Variants in CDH18 observed in about 807,000 individuals in gnomAD.
CDH18 encodes cadherin-18.
In CDH18, 31 loss-of-function variants were observed where a neutral mutation model predicts 67.9. That is an observed-to-expected ratio of 0.46 (90% CI 0.34 to 0.62). The LOEUF is 0.62. Among genes scored for constraint, CDH18 ranks in the 20% least tolerant of loss-of-function variants. The pLI, the probability that CDH18 is intolerant of heterozygous loss-of-function variation, is 0.01. For synonymous variants in CDH18, 362 were observed against 347.2 expected, an observed-to-expected ratio of 1.04 and a Z score of -0.48; for missense variants, 890 against 975.5, an observed-to-expected ratio of 0.91 and a Z score of 1.17.
In CDH18 at chr5:20,001,114, A is replaced by T. The variant is rs1185474790; in HGVS notation, c.-517-9100T>A. 2.0e-5 allele frequency among the ~76,000 whole-genome samples: 3 copies of T among 152,206 alleles called. No homozygotes were observed. The East Asian group carries it at 5.8e-4, about 29-fold the overall frequency. ...ATATTCTACAGCATGCAAAATTGTC[A>T]AATGAAGTCTCATAATTTCTTTTTA... On this transcript the variant is annotated intron_variant, in intron 2 of 14. Coordinates refer to the CDH18 transcript ENST00000507958.
chr5:20,242,540 A>G (rs1330500775), intron 2 of CDH18, among the ~76,000 whole-genome samples: 4 of 137,618 alleles, frequency 2.9e-5, no homozygotes. Flanking sequence ...GTCCCAAATG[A>G]CAGGATTTCT....
At chr5:19,602,824 G>T (rs1250860478) in intron 6 of CDH18, among the ~76,000 whole-genome samples, 3 of 152,036 alleles carry the variant, frequency 2.0e-5, no homozygotes, top group Admixed American at 6.6e-5. Context: ...AATTAGCTGG[G>T]CATGGTGGAG....
chr5:20,199,140 G>A (rs1207219839), intron 2 of CDH18, among the ~76,000 whole-genome samples: 12 of 152,174 alleles, frequency 7.9e-5, no homozygotes, highest in Admixed American at 7.2e-4. Flanking sequence ...CTATGTGAAG[G>A]GGGCTATTGT....
chr5:19,491,954 T>C (rs953960254), intron 11 of CDH18, among the ~76,000 whole-genome samples: 3 of 152,098 alleles, frequency 2.0e-5, no homozygotes, highest in African/African-American at 4.8e-5. Context: ...TGTGTTATGT[T>C]GACTCATTTA....
intron 3 of CDH18, among the ~76,000 whole-genome samples, chr5:19,747,739 G>T (rs1441902751): frequency 9.0e-6 from 1 of 110,676 alleles, no homozygotes; most frequent in African/African-American, 3.2e-5. Flanking sequence ...CATAGTCACA[G>T]TCATGTGTTT....
intron 1 of CDH18, among the ~76,000 whole-genome samples, chr5:20,341,609 C>G (rs1052019768): frequency 6.6e-6 from 1 of 151,784 alleles, no homozygotes; most frequent in African/African-American, 2.4e-5. Context: ...TCTATTAGTT[C>G]TGTCCCTCTA....
Position 19,626,010 on chromosome 5 carries a change from T to C in CDH18, c.644-13409A>G, listed in dbSNP as rs188973931. On this transcript the variant is annotated intron_variant, in intron 5 of 12. Coordinates refer to ENST00000382275, the MANE Select transcript of CDH18 (RefSeq NM_004934.5). ...CTTTCAAGGCTGTGGGACAAGGACC[T>C]GTCTTTAGCTGAACTAAGGAAAAGC... 2.4e-3 allele frequency among the ~76,000 whole-genome samples: 360 copies of C among 152,306 alleles called. 4 individuals are homozygous for C. Among genetic ancestry groups the C allele is most frequent in the Middle Eastern group, 0.01 (3 of 294 alleles).
At chr5:19,665,335 G>A (rs114839440) in intron 5 of CDH18, among the ~76,000 whole-genome samples, 2 of 152,054 alleles carry the variant, frequency 1.3e-5, no homozygotes, top group Non-Finnish European at 2.9e-5. Flanking sequence ...AAAATAACCA[G>A]ATGCATTTGT....
At chr5:20,286,277 A>T (rs1045321513) in intron 1 of CDH18, among the ~76,000 whole-genome samples, 7 of 151,654 alleles carry the variant, frequency 4.6e-5, no homozygotes, top group African/African-American at 1.7e-4. Context: ...TAAGATTAAC[A>T]TTTAGTTAGG....
At chr5:20,480,710 G>A (rs1752740672) in intron 1 of CDH18, among the ~76,000 whole-genome samples, 1 of 152,018 alleles carries the variant, frequency 6.6e-6, no homozygotes. Context: ...CCAAAGTATA[G>A]AGTTTTTATT....
At chr5:19,809,309 A>G (rs954549354) in intron 3 of CDH18, among the ~76,000 whole-genome samples, 1 of 152,158 alleles carries the variant, frequency 6.6e-6, no homozygotes, top group African/African-American at 2.4e-5. Context: ...TACACGCTCT[A>G]GGCACCAATA....
chr5:19,578,425 C>A (rs1273782230), intron 7 of CDH18, among the ~76,000 whole-genome samples: 1 of 151,904 alleles, frequency 6.6e-6, no homozygotes, highest in East Asian at 1.9e-4. Flanking sequence ...TAGCAACCTT[C>A]CCTCGAAATC....
At chr5:20,392,513 A>T (rs902316750) in intron 1 of CDH18, among the ~76,000 whole-genome samples, 6 of 151,916 alleles carry the variant, frequency 3.9e-5, no homozygotes, top group Non-Finnish European at 8.8e-5. Flanking sequence ...AAATTTTCTT[A>T]TAACTCACTA....
At chr5:20,123,672 G>A (rs1360234061) in intron 2 of CDH18, among the ~76,000 whole-genome samples, 1 of 152,140 alleles carries the variant, frequency 6.6e-6, no homozygotes. Flanking sequence ...CGGATCGCGA[G>A]GTCAGGAGAT....
At chr5:19,678,584 G>T (rs1759829196) in intron 5 of CDH18, among the ~76,000 whole-genome samples, 1 of 151,530 alleles carries the variant, frequency 6.6e-6, no homozygotes, top group African/African-American at 2.4e-5. Flanking sequence ...AGAGAAAAAA[G>T]ATCAAACCAA....
At position 19,974,625 on chromosome 5, in the gene CDH18, T is replaced by C. The variant is rs143137840; in HGVS notation, c.-257+6435A>G. On this transcript the variant is annotated intron_variant, in intron 2 of 12. Coordinates refer to ENST00000382275, the MANE Select transcript of CDH18 (RefSeq NM_004934.5). ...TGATGTAACCAATTAAAGAGAGAAG[T>C]CAGGGAGGGTATGGGGACAGAATCC... 8.7e-4 allele frequency among the ~76,000 whole-genome samples: 131 copies of C among 150,578 alleles called. 1 individual carries two copies. The highest frequency in any genetic ancestry group is 7.0e-3 in the Middle Eastern group (2 of 286).
At chr5:20,046,454 G>GTTTA (rs1367925549) in intron 2 of CDH18, among the ~76,000 whole-genome samples, 1 of 151,570 alleles carries the variant, frequency 6.6e-6, no homozygotes, top group Non-Finnish European at 1.5e-5. Context: ...TAGAAGAGGT[G>GTTTA]TTTATATCAG....
intron 8 of CDH18, among the ~76,000 whole-genome samples, chr5:19,554,936 T>C (rs767360009): frequency 1.4e-4 from 22 of 152,194 alleles, no homozygotes; most frequent in South Asian, 4.1e-4. Context: ...GTTAACACTT[T>C]GGAACAATCA....
At chr5:20,410,982 C>T (rs143489135) in intron 1 of CDH18, among the ~76,000 whole-genome samples, 3,006 of 151,918 alleles carry the variant, frequency 0.02, 28 homozygotes, top group Middle Eastern at 0.041. Context: ...GAGACGATAT[C>T]CCATATTTCT....
Sources: gnomAD v4.1 joint callset for allele counts (sites outside exome capture counted in the v4.1 genomes callset) on GRCh38, gnomAD v4.1.1 for gene constraint, MANE v1.5 for transcripts, NCBI Gene and HGNC (gene_info 2026-07-23, HGNC 2026-07-21) for gene names.